The following ADCY5 variants were observed in gnomAD, a reference collection of about 807,000 sequenced individuals.
The protein encoded by ADCY5 is adenylate cyclase 5, also known as adenylate cyclase type 5.
A neutral mutation model predicts 119.7 loss-of-function variants in ADCY5; 30 were observed. That is an observed-to-expected ratio of 0.25 (90% confidence interval 0.19 to 0.34). The LOEUF is 0.34. Ranked by LOEUF, ADCY5 falls within the 10% of genes least tolerant of loss-of-function variation. The pLI, the probability that ADCY5 is intolerant of heterozygous loss-of-function variation, is 1.00. For missense variants in ADCY5, 1,324 were observed against 1,775.2 expected (o/e 0.75, Z 4.57); for synonymous variants, 753 against 762.2 (o/e 0.99, Z 0.20).
intron 1 of ADCY5, among the ~76,000 whole-genome samples, chr3:123,396,413 G>C (rs199580825): frequency 1.5e-5 from 2 of 129,690 alleles, no homozygotes; most frequent in Non-Finnish European, 3.2e-5. Flanking sequence ...AAGAGAAAGA[G>C]AGAGAGAGGG....
At chr3:123,326,994 C>A (rs992154214) in intron 7 of ADCY5, among the ~76,000 whole-genome samples, 1 of 152,170 alleles carries the variant, frequency 6.6e-6, no homozygotes, top group Non-Finnish European at 1.5e-5. Flanking sequence ...CAGAAAGACT[C>A]ATAAGTAAAA....
At chr3:123,327,539 G>A (rs1273109192) in intron 7 of ADCY5, 79 bp downstream of exon 7, 145 of 1,400,972 alleles carry the variant, frequency 1.0e-4, no homozygotes, top group Non-Finnish European at 4.8e-6. Flanking sequence ...CAAGGAAAGA[G>A]AAGGAAGCAG....
chr3:123,448,646 T>C lies in ADCY5; in HGVS notation c.-101A>G. The C allele has an allele frequency of 8.8e-7, 1 of 1,134,754 alleles. No individual in the cohort carries two copies. The highest frequency in any genetic ancestry group is 1.1e-6 in the Non-Finnish European group (1 of 895,746). 70.3% of individuals were successfully genotyped at this position (1,134,754 alleles called of 1,614,324 possible). The stretch of plus-strand genomic sequence containing the variant: ...GCCGAGCAGGGGGACCAGGCTAGGG[T>C]CACACGTCGGGGGCGGCCCGGGGCC... On this transcript the variant is annotated 5_prime_UTR_variant, in exon 1 of 21. It removes the in-frame stop codon of an upstream open reading frame in the 5' UTR. Coordinates refer to ENST00000462833, the MANE Select transcript of ADCY5 (RefSeq NM_183357.3).
At chr3:123,389,269 C>T (rs1033490251) in intron 1 of ADCY5, among the ~76,000 whole-genome samples, 4 of 152,054 alleles carry the variant, frequency 2.6e-5, no homozygotes, top group African/African-American at 7.2e-5. Context: ...GGGCTCAGAT[C>T]GGCCACTCTG....
intron 3 of ADCY5, among the ~76,000 whole-genome samples, chr3:123,340,304 A>G (rs1029539475): frequency 6.6e-6 from 1 of 152,216 alleles, no homozygotes; most frequent in Non-Finnish European, 1.5e-5. Flanking sequence ...AAAAAGTAGA[A>G]TAAAAAAGAA....
chr3:123,356,747 C>T (rs1943053197), intron 1 of ADCY5, among the ~76,000 whole-genome samples: 1 of 152,058 alleles, frequency 6.6e-6, no homozygotes, highest in South Asian at 2.1e-4. Flanking sequence ...CTTTCCTGGT[C>T]GAAATGAGAA....
chr3:123,345,537 G>C (rs1013523296), intron 3 of ADCY5, among the ~76,000 whole-genome samples: 28 of 152,178 alleles, frequency 1.8e-4, no homozygotes, highest in Non-Finnish European at 3.7e-4. Flanking sequence ...ATTCCAGAAG[G>C]GGGAGCTCAG....
chr3:123,435,411 A>C (rs769201102), intron 1 of ADCY5, among the ~76,000 whole-genome samples: 12 of 152,198 alleles, frequency 7.9e-5, no homozygotes, highest in Non-Finnish European at 1.8e-4. Flanking sequence ...TGCTGAAGAG[A>C]GACTGCCTCC....
chr3:123,284,989 C>T (rs910270735), intron 20 of ADCY5, among the ~76,000 whole-genome samples: 1 of 152,216 alleles, frequency 6.6e-6, no homozygotes, highest in Admixed American at 6.5e-5. Context: ...GGGCAGCTTG[C>T]GTGTGCTGTT....
At position 123,313,194 on chromosome 3, in the gene ADCY5, C is replaced by T. The variant is rs566801684; in HGVS notation, c.2442+1041G>A. Among the ~76,000 whole-genome samples the T allele has an allele frequency of 9.8e-4, 149 of 152,316 alleles. 1 individual carries two copies. The highest frequency in any genetic ancestry group is 3.5e-3 in the African/African-American group (144 of 41,566). On this transcript the variant is annotated intron_variant, in intron 12 of 20. Coordinates refer to ENST00000462833, the MANE Select transcript of ADCY5 (RefSeq NM_183357.3). ...GGAGGTGAACCACACCAGGTGATTC[C>T]TAAGGTCCCTTCCAGTTCTGACAAT...
chr3:123,437,496 C>T (rs759307835), intron 1 of ADCY5, among the ~76,000 whole-genome samples: 10 of 152,096 alleles, frequency 6.6e-5, no homozygotes, highest in Non-Finnish European at 1.5e-4. Flanking sequence ...GGTTACTTAC[C>T]TTCTCTTATC....
intron 6 of ADCY5, among the ~76,000 whole-genome samples, chr3:123,328,096 G>A (rs987977163): frequency 3.3e-5 from 5 of 152,176 alleles, no homozygotes; most frequent in African/African-American, 9.7e-5. Flanking sequence ...GCGACAGGAC[G>A]GAGTCCAAAT....
intron 7 of ADCY5, among the ~76,000 whole-genome samples, chr3:123,326,767 C>T (rs1039037732): frequency 6.6e-6 from 1 of 152,214 alleles, no homozygotes; most frequent in Non-Finnish European, 1.5e-5. Context: ...CCCTGGGGTA[C>T]TGCATGGTAG....
At position 123,360,651 on chromosome 3, in the gene ADCY5, G is replaced by C. The variant is rs531779797; in HGVS notation, c.1135-8070C>G. ...TCTGAAAAAAACCAACCTATAATAC[G>C]ATTCTAAAGTGTAATGTTTATTTAA... On this transcript the variant is annotated intron_variant, in intron 1 of 20. Transcript: ENST00000462833. Among the ~76,000 whole-genome samples the C allele has an allele frequency of 4.6e-5, 7 of 152,152 alleles. No individual in the cohort carries two copies. The East Asian group carries it at 1.2e-3, about 25-fold the overall frequency.
chr3:123,448,472 C>T lies in ADCY5; in HGVS notation c.74G>A (p.Gly25Asp). 2 of 1,273,366 alleles carry T rather than the reference C, an allele frequency of 1.6e-6. No individual in the cohort carries two copies. Among genetic ancestry groups the T allele is most frequent in the Non-Finnish European group, 2.0e-6 (2 of 1,011,418 alleles). The allele number at this position is 1,273,366 out of a possible 1,614,324, so 78.9% of individuals were successfully genotyped here. Residue 25 changes from glycine to aspartate, a missense_variant, in exon 1 of 21, where the codon GGC becomes GAC. Physicochemically the swap from Gly to Asp is moderately conservative, Grantham distance 94. Transcript: ENST00000462833. ...GCCCCACGCAGAGCGGTGTTCGGGG[C>T]CTCCCCGGGGCGCCGGCGCCGCAGT... ...QKTAAPAPRG[G>D]PEHRSAWGEA... is the part of the protein sequence containing the mutation.
At chr3:123,322,477 G>C (rs930285039) in intron 8 of ADCY5, among the ~76,000 whole-genome samples, 2 of 152,066 alleles carry the variant, frequency 1.3e-5, no homozygotes, top group African/African-American at 4.8e-5. Context: ...GCGCCAGGTC[G>C]GCATGGCGAG....
At position 123,286,398 on chromosome 3, in the gene ADCY5, T is replaced by C. The variant is rs1483931341; in HGVS notation, c.3657+287A>G. On this transcript the variant is annotated intron_variant, in intron 20 of 20. Transcript: ENST00000462833. This position sits in a 1 kb window ranked among gnomAD's most constrained non-coding sequence, Gnocchi z 4.2. ...GAGGCACTGGGGCCTGCATGTGCACTCTCAGCTCGGCCTCTACAATCAGAT... is the reference window on the plus strand; with the variant it reads ...GAGGCACTGGGGCCTGCATGTGCACCCTCAGCTCGGCCTCTACAATCAGAT... Among the ~76,000 whole-genome samples the C allele has an allele frequency of 6.6e-6, 1 of 152,146 alleles. No individual in the cohort carries two copies. Among genetic ancestry groups the C allele is most frequent in the Non-Finnish European group, 1.5e-5 (1 of 68,008 alleles).
At chr3:123,397,448 C>T (rs1437573704) in intron 1 of ADCY5, among the ~76,000 whole-genome samples, 1 of 152,020 alleles carries the variant, frequency 6.6e-6, no homozygotes. Context: ...CCAGCCTTGG[C>T]AAAAAAATCA....
chr3:123,409,928 C>G (rs1274644496), intron 1 of ADCY5, among the ~76,000 whole-genome samples: 4 of 152,222 alleles, frequency 2.6e-5, no homozygotes, highest in Non-Finnish European at 5.9e-5. Flanking sequence ...TCTCTCGTCA[C>G]CAGCCCACTG....
Sources: gnomAD v4.1 joint callset for allele counts (sites outside exome capture counted in the v4.1 genomes callset) on GRCh38, gnomAD v4.1.1 for gene constraint, Gnocchi (gnomAD v3.1) non-coding constraint, MANE v1.5 for transcripts, NCBI Gene and HGNC (gene_info 2026-07-23, HGNC 2026-07-21) for gene names.